Variants in NRG3 observed in about 807,000 individuals in gnomAD.
NRG3 encodes neuregulin 3.
A neutral mutation model predicts 66.9 loss-of-function variants in NRG3; 31 were observed. The ratio of observed to expected loss-of-function variants is 0.46; its 90% confidence interval spans 0.35 to 0.63. NRG3 has a LOEUF of 0.63. Ranked by LOEUF, NRG3 falls within the 20% of genes least tolerant of loss-of-function variation. The pLI, the probability that NRG3 is intolerant of heterozygous loss-of-function variation, is 0.00. For synonymous variants in NRG3, 393 were observed against 359.4 expected, an observed-to-expected ratio of 1.09 and a Z score of -1.06; for missense variants, 910 against 878.9, an observed-to-expected ratio of 1.04 and a Z score of -0.45.
intron 4 of NRG3, among the ~76,000 whole-genome samples, chr10:82,867,523 T>C (rs1231035229): frequency 6.6e-6 from 1 of 152,160 alleles, no homozygotes; most frequent in Non-Finnish European, 1.5e-5. Flanking sequence ...ACAGGATTTT[T>C]CATAAGAGAC....
chr10:82,476,142 C>G (rs2132099508), intron 2 of NRG3, among the ~76,000 whole-genome samples: 1 of 152,230 alleles, frequency 6.6e-6, no homozygotes, highest in East Asian at 1.9e-4. Flanking sequence ...AACATAGTCC[C>G]TCACAGTCAT....
intron 4 of NRG3, among the ~76,000 whole-genome samples, chr10:82,933,660 G>A (rs939460737): frequency 1.3e-5 from 2 of 152,124 alleles, no homozygotes; most frequent in Admixed American, 6.6e-5. Context: ...AGATGGTAAC[G>A]TTATGCTAAT....
chr10:82,108,965 C>G (rs373857941), intron 1 of NRG3, among the ~76,000 whole-genome samples: 1 of 152,112 alleles, frequency 6.6e-6, no homozygotes, highest in Admixed American at 6.6e-5. Context: ...CTTGGGAGGG[C>G]TAACTCTCTG....
intron 2 of NRG3, among the ~76,000 whole-genome samples, chr10:82,454,611 A>AAGTT (rs970603909): frequency 1.6e-4 from 25 of 152,236 alleles, no homozygotes; most frequent in African/African-American, 5.8e-4. Flanking sequence ...CAGATAAAAA[A>AAGTT]AGTTAGTTCT....
intron 2 of NRG3, among the ~76,000 whole-genome samples, chr10:82,429,615 C>A (rs181759178): frequency 1.5e-3 from 223 of 152,160 alleles, no homozygotes; most frequent in South Asian, 4.6e-3. Context: ...TTGAATTTAT[C>A]CAAATCAGAG....
chr10:82,678,681 G>T (rs2053891611), intron 2 of NRG3, among the ~76,000 whole-genome samples: 1 of 152,020 alleles, frequency 6.6e-6, no homozygotes, highest in South Asian at 2.1e-4. Context: ...CTTAGATTGG[G>T]GGCCCCTCTC....
intron 2 of NRG3, among the ~76,000 whole-genome samples, chr10:82,411,160 C>T (rs1409658447): frequency 6.6e-6 from 1 of 152,082 alleles, no homozygotes; most frequent in African/African-American, 2.4e-5. Flanking sequence ...AGGTGATCTA[C>T]CTGCTTCAGC....
At chr10:82,457,651 C>T (rs765730450) in intron 2 of NRG3, among the ~76,000 whole-genome samples, 1 of 152,178 alleles carries the variant, frequency 6.6e-6, no homozygotes, top group Non-Finnish European at 1.5e-5. Flanking sequence ...CACGGTGAAA[C>T]AACAGTGCTC....
At chr10:82,563,260 G>T (rs192360063) in intron 2 of NRG3, among the ~76,000 whole-genome samples, 5 of 151,808 alleles carry the variant, frequency 3.3e-5, no homozygotes, top group Non-Finnish European at 5.9e-5. Context: ...TTTCACATAC[G>T]TAAAAGAGAA....
intron 2 of NRG3, among the ~76,000 whole-genome samples, chr10:82,433,850 A>T (rs2089971665): frequency 6.6e-6 from 1 of 152,162 alleles, no homozygotes; most frequent in Non-Finnish European, 1.5e-5. Context: ...TGGTTGCTGT[A>T]GTCTTGTAGT....
chr10:82,082,065 C>A (rs959047916), intron 1 of NRG3, among the ~76,000 whole-genome samples: 2 of 152,160 alleles, frequency 1.3e-5, no homozygotes, highest in Non-Finnish European at 2.9e-5. Context: ...TGTCAAACAT[C>A]TTTTTAAATG....
At chr10:82,930,721 T>C (rs1847484540) in intron 4 of NRG3, among the ~76,000 whole-genome samples, 1 of 152,124 alleles carries the variant, frequency 6.6e-6, no homozygotes, top group African/African-American at 2.4e-5. Flanking sequence ...CAGATCAAAG[T>C]GAAGATAAAA....
At chr10:81,967,281 CAG>C (rs958975247) in intron 1 of NRG3, among the ~76,000 whole-genome samples, 1 of 151,626 alleles carries the variant, frequency 6.6e-6, no homozygotes, top group African/African-American at 2.4e-5. Context: ...AAGTTTTTAA[CAG>C]AAGATTTATC....
chr10:82,821,963 T>C (rs1393898007), intron 3 of NRG3, among the ~76,000 whole-genome samples: 1 of 152,150 alleles, frequency 6.6e-6, no homozygotes, highest in Non-Finnish European at 1.5e-5. Context: ...GCCCCCCACA[T>C]GCCAGCTGGG....
At chr10:82,932,401 G>A (rs1344845364) in intron 4 of NRG3, among the ~76,000 whole-genome samples, 4 of 152,070 alleles carry the variant, frequency 2.6e-5, no homozygotes, top group African/African-American at 4.8e-5. Flanking sequence ...ACAATTGTTC[G>A]GATGTCATAA....
chr10:81,893,137 T>C (rs1843186121), intron 1 of NRG3, among the ~76,000 whole-genome samples: 1 of 152,212 alleles, frequency 6.6e-6, no homozygotes, highest in Non-Finnish European at 1.5e-5. Flanking sequence ...AAAAGTCAAG[T>C]GTAGTTCTAC....
chr10:82,516,017 C>T (rs1845615219), intron 2 of NRG3, among the ~76,000 whole-genome samples: 1 of 152,174 alleles, frequency 6.6e-6, no homozygotes, highest in Admixed American at 6.6e-5. Context: ...AATATTGAAG[C>T]ATTCCCATGC....
intron 7 of NRG3, among the ~76,000 whole-genome samples, chr10:82,977,635 G>A (rs1852425212): frequency 6.6e-6 from 1 of 150,420 alleles, no homozygotes; most frequent in South Asian, 2.1e-4. Context: ...AAGGAATGAA[G>A]GTATAACAAT....
At chr10:81,969,329 A>T (rs1258863129) in intron 1 of NRG3, among the ~76,000 whole-genome samples, 1 of 152,232 alleles carries the variant, frequency 6.6e-6, no homozygotes, top group East Asian at 1.9e-4. Context: ...TAACAGCTGT[A>T]AGTAATAAGA....
Sources: gnomAD v4.1 joint callset for allele counts (sites outside exome capture counted in the v4.1 genomes callset) on GRCh38, gnomAD v4.1.1 for gene constraint, MANE v1.5 for transcripts, NCBI Gene and HGNC (gene_info 2026-07-23, HGNC 2026-07-21) for gene names.